Variants in TNS1 observed in about 807,000 individuals in gnomAD.
The protein encoded by TNS1 is tensin 1.
A neutral mutation model predicts 168.6 loss-of-function variants in TNS1; 62 were observed. The ratio of observed to expected loss-of-function variants is 0.37; its 90% CI spans 0.30 to 0.45. TNS1 has a LOEUF of 0.45. Ranked by LOEUF, TNS1 falls within the 20% of genes least tolerant of loss-of-function variation. TNS1 has a pLI of 1.00. For synonymous variants in TNS1, 934 were observed against 933.2 expected, an observed-to-expected ratio of 1.00 and a Z score of -0.02; for missense variants, 2,240 against 2,339.4, an observed-to-expected ratio of 0.96 and a Z score of 0.88.
At chr2:217,805,256 G>C (rs1938293367) in intron 32 of TNS1, among the ~76,000 whole-genome samples, 2 of 151,470 alleles carry the variant, frequency 1.3e-5, no homozygotes, top group South Asian at 4.2e-4. Context: ...AACAGAATGT[G>C]AGCTCAGGTC....
Position 217,802,564 on chromosome 2 carries a change from G to C in TNS1, c.*1895C>G, listed in dbSNP as rs916990901. 2 of 152,308 alleles carry C rather than the reference G, an allele frequency of 1.3e-5. No individual in the cohort carries two copies. Among genetic ancestry groups the C allele is most frequent in the Admixed American group, 6.5e-5 (1 of 15,282 alleles). The allele number at this position is 152,308 out of a possible 1,614,324, so 9.4% of individuals were successfully genotyped here. ...TTGCTGAAAAGTAAGGGGGCCAAAG[G>C]CTGGGACATGTGCAACCCCTCCCAA... On this transcript the variant is annotated 3_prime_UTR_variant, in exon 33 of 33. Transcript: ENST00000682258.
chr2:217,843,717 T>C (rs1946285969), intron 19 of TNS1, among the ~76,000 whole-genome samples: 1 of 152,128 alleles, frequency 6.6e-6, no homozygotes, highest in Admixed American at 6.6e-5. Context: ...CCATCTTGAC[T>C]TCTATGATGA....
intron 3 of TNS1, among the ~76,000 whole-genome samples, chr2:217,937,681 T>G (rs979358378): frequency 6.6e-6 from 1 of 151,958 alleles, no homozygotes; most frequent in Non-Finnish European, 1.5e-5. Context: ...CCCGGGGAGA[T>G]GGACTCACAG....
chr2:217,849,386 C>G (rs930745635), intron 18 of TNS1, among the ~76,000 whole-genome samples: 1 of 152,224 alleles, frequency 6.6e-6, no homozygotes, highest in African/African-American at 2.4e-5. Flanking sequence ...ATTTCACCAG[C>G]TTCCTGACCA....
chr2:217,913,892 G>T (rs113585226), intron 4 of TNS1, among the ~76,000 whole-genome samples: 26 of 152,170 alleles, frequency 1.7e-4, no homozygotes, highest in African/African-American at 6.3e-4. Flanking sequence ...CCCAGGCAGG[G>T]TCACCAAGGG....
intron 3 of TNS1, among the ~76,000 whole-genome samples, chr2:217,935,777 A>G (rs1308295607): frequency 1.3e-5 from 2 of 152,234 alleles, no homozygotes; most frequent in Non-Finnish European, 2.9e-5. Flanking sequence ...TATGCAGAAC[A>G]GCCTGCATGC....
chr2:217,920,562 G>GTTTTTTTTTTTT (rs1436767662), intron 3 of TNS1, among the ~76,000 whole-genome samples: 1 of 134,618 alleles, frequency 7.4e-6, no homozygotes, highest in Non-Finnish European at 1.5e-5. Context: ...TAAGAAGAAG[G>GTTTTTTTTTTTT]ATTTTTTTTT....
In TNS1 at chr2:217,848,233, C is replaced by T; in HGVS notation, c.2284G>A (p.Gly762Arg). Reference protein sequence around the residue: ...PQLPPAPVRGGSSREAVQRGL... With the variant: ...PQLPPAPVRGRSSREAVQRGL... ...CTTTGCACAGCCTCCCGGCTGCTTC[C>T]CCCTCGGACCGGAGCTGGGGGCAGC... The change falls in exon 19 of 33, where the codon GGA becomes AGA. Residue 762 changes from glycine (G) to arginine (R), a missense_variant. This residue lies in a region of TNS1 where 2,131 missense variants were observed against 2,171.2 expected (regional missense o/e 0.98). Coordinates refer to ENST00000682258, the MANE Select transcript of TNS1 (RefSeq NM_001387777.1). The T allele has an allele frequency of 2.5e-6, 4 of 1,574,298 alleles. No individual in the cohort carries two copies. The highest frequency in any genetic ancestry group is 3.4e-6 in the Non-Finnish European group (4 of 1,160,774).
At chr2:217,920,780 TA>T (rs36017877) in intron 3 of TNS1, among the ~76,000 whole-genome samples, 4,613 of 152,014 alleles carry the variant, frequency 0.03, 235 homozygotes, top group African/African-American at 0.1. Context: ...AATGGGTTGG[TA>T]AAAGGGACCC....
At chr2:217,835,249 A>G in intron 20 of TNS1, 83 bp from the exon 21 acceptor site, 1 of 1,357,222 alleles carries the variant, frequency 7.4e-7, no homozygotes, top group Non-Finnish European at 1.0e-6. Context: ...GTATGAGGAC[A>G]GTGAGTTAAC....
At chr2:217,905,233 C>G in intron 6 of TNS1, 1 of 282,088 alleles carries the variant, frequency 3.5e-6, no homozygotes. Context: ...AGAAACATCA[C>G]AAAGCGGGAC....
intron 12 of TNS1, chr2:217,890,661 C>T (rs1951653060): frequency 2.2e-6 from 1 of 446,418 alleles, no homozygotes; most frequent in Non-Finnish European, 4.1e-6. Context: ...ACAGCACATG[C>T]CTTCCTAGAC....
rs57381974 is a variant in TNS1, at chr2:217,958,003, T to TCACACACACACACACA, written c.186+20746_186+20761dup. ...TTTTAAATCTCCCATAATAAAGAAT[T>TCACACACACACACACA]CACACACACACACACACACACACAC... On this transcript the variant is annotated intron_variant, in intron 3 of 32. Transcript: ENST00000682258. Among the ~76,000 whole-genome samples, 1,373 of 145,808 alleles carry TCACACACACACACACA rather than the reference T, an allele frequency of 9.4e-3. 13 individuals are homozygous for TCACACACACACACACA. The highest frequency in any genetic ancestry group is 0.016 in the African/African-American group (634 of 38,608).
At chr2:217,909,531 C>T (rs2125805199) in intron 4 of TNS1, among the ~76,000 whole-genome samples, 1 of 151,964 alleles carries the variant, frequency 6.6e-6, no homozygotes, top group South Asian at 2.1e-4. Context: ...ACATGCATAG[C>T]ACCACCTAGA....
intron 8 of TNS1, among the ~76,000 whole-genome samples, chr2:217,897,176 G>GC (rs1453859589): frequency 6.6e-6 from 1 of 152,192 alleles, no homozygotes; most frequent in Non-Finnish European, 1.5e-5. Context: ...ATGGACCTGA[G>GC]CCCTCCTCTG....
rs141627356 is a variant in TNS1 at position 217,937,237 on chromosome 2, A to T, written c.187-17001T>A. The T allele has an allele frequency of 2.3e-3, 809 of 354,128 alleles. 9 individuals carry two copies. Among genetic ancestry groups the T allele is most frequent in the African/African-American group, 0.016 (745 of 46,708 alleles). The allele number at this position is 354,128 out of a possible 1,614,324, so 21.9% of individuals were successfully genotyped here. ...TGTCTCCCGGTCTTTCCAGCCTCAT[A>T]CCCAGCACCTTAACTGGCATAGGGT... is the stretch of plus-strand genomic sequence containing the variant. On this transcript the variant is annotated intron_variant, in intron 3 of 32. Transcript: ENST00000682258.
chr2:217,917,327 T>C (rs948606658), intron 4 of TNS1, among the ~76,000 whole-genome samples: 38 of 152,170 alleles, frequency 2.5e-4, no homozygotes, highest in Middle Eastern at 3.2e-3. Flanking sequence ...GCACCTACCG[T>C]GTGCAAGGCA....
At chr2:217,943,416 A>G (rs1449908589) in intron 3 of TNS1, among the ~76,000 whole-genome samples, 3 of 152,134 alleles carry the variant, frequency 2.0e-5, no homozygotes, top group Non-Finnish European at 4.4e-5. Flanking sequence ...AGAAGAAAAA[A>G]TACTCATCCC....
At chr2:217,900,749 C>A in intron 6 of TNS1, 1 of 559,236 alleles carries the variant, frequency 1.8e-6, no homozygotes, top group Non-Finnish European at 3.1e-6. Context: ...AAGGAAGAAT[C>A]CCGAATGCTG....
Sources: allele counts gnomAD v4.1 joint callset (sites outside exome capture counted in the v4.1 genomes callset), GRCh38; gene constraint gnomAD v4.1.1; regional missense constraint gnomAD v4.1.1; transcripts MANE v1.5; gene names NCBI Gene and HGNC (gene_info 2026-07-23, HGNC 2026-07-21).